The following GRM1 variants were observed in gnomAD, a reference collection of about 807,000 sequenced individuals.
GRM1 encodes the protein metabotropic glutamate receptor 1.
GRM1 carries 33 observed loss-of-function variants against 90.9 expected under a neutral mutation model. That is an observed-to-expected ratio of 0.36 (90% CI 0.28 to 0.49). The LOEUF (loss-of-function observed/expected upper bound fraction) is 0.49. Among genes scored for constraint, GRM1 ranks in the 20% least tolerant of loss-of-function variants. The pLI is 0.99. For synonymous variants in GRM1, 700 were observed against 613.2 expected (o/e 1.14, Z -2.09); for missense variants, 1,190 against 1,534.3 (o/e 0.78, Z 3.75).
At chr6:146,190,298 T>C (rs1252726689) in intron 2 of GRM1, among the ~76,000 whole-genome samples, 1 of 152,218 alleles carries the variant, frequency 6.6e-6, no homozygotes, top group Non-Finnish European at 1.5e-5. Flanking sequence ...AGTTAGTTTA[T>C]AAATGTTTTG....
At chr6:146,226,902 C>T (rs1780259752) in intron 2 of GRM1, among the ~76,000 whole-genome samples, 1 of 152,046 alleles carries the variant, frequency 6.6e-6, no homozygotes, top group African/African-American at 2.4e-5. Context: ...CTCTTTTCTT[C>T]AAGATTGTAC....
intron 3 of GRM1, among the ~76,000 whole-genome samples, chr6:146,323,202 A>C (rs892530903): frequency 2.0e-5 from 3 of 152,174 alleles, no homozygotes; most frequent in Admixed American, 6.5e-5. Context: ...TTACAGTCCC[A>C]CCAACAGTGT....
chr6:146,126,224 A>G (rs1485854138), intron 1 of GRM1, among the ~76,000 whole-genome samples: 3 of 152,142 alleles, frequency 2.0e-5, no homozygotes, highest in Admixed American at 6.6e-5. Flanking sequence ...TACATTCTTG[A>G]CAATGAATGT....
At chr6:146,034,620 A>G (rs1266654247) in intron 1 of GRM1, among the ~76,000 whole-genome samples, 1 of 151,964 alleles carries the variant, frequency 6.6e-6, no homozygotes, top group Non-Finnish European at 1.5e-5. Flanking sequence ...TTAGTATTCC[A>G]GCTTTGTGTC....
chr6:146,106,835 A>T (rs1375535831), intron 1 of GRM1, among the ~76,000 whole-genome samples: 1 of 152,236 alleles, frequency 6.6e-6, no homozygotes, highest in Non-Finnish European at 1.5e-5. Context: ...CCTTGAAGGC[A>T]GGTGATGAGG....
intron 2 of GRM1, among the ~76,000 whole-genome samples, chr6:146,172,093 CAG>C (rs1344434312): frequency 1.3e-5 from 2 of 151,364 alleles, no homozygotes; most frequent in Non-Finnish European, 1.5e-5. Flanking sequence ...ATGCTTTACT[CAG>C]AAAAAAAAAG....
At chr6:146,364,144 A>T (rs1191337425) in intron 5 of GRM1, among the ~76,000 whole-genome samples, 3 of 152,206 alleles carry the variant, frequency 2.0e-5, no homozygotes, top group African/African-American at 7.2e-5. Context: ...AATTGCTCCC[A>T]GTTCAGAGTT....
At chr6:146,274,259 AAATGT>A (rs1214901893) in intron 2 of GRM1, among the ~76,000 whole-genome samples, 1 of 152,234 alleles carries the variant, frequency 6.6e-6, no homozygotes, top group African/African-American at 2.4e-5. Flanking sequence ...AATTTTATCT[AAATGT>A]TGTCAATTCA....
intron 2 of GRM1, among the ~76,000 whole-genome samples, chr6:146,186,845 G>T (rs867008013): frequency 6.6e-6 from 1 of 152,162 alleles, no homozygotes; most frequent in African/African-American, 2.4e-5. Flanking sequence ...GGCTATAGGG[G>T]TTATATTGTA....
intron 1 of GRM1, among the ~76,000 whole-genome samples, chr6:146,114,648 G>T (rs1775676328): frequency 6.6e-6 from 1 of 152,038 alleles, no homozygotes; most frequent in Non-Finnish European, 1.5e-5. Context: ...AGTAAAAGCA[G>T]GCTGATTTTC....
chr6:146,105,929 C>T lies in GRM1; in HGVS notation c.701-53419C>T, dbSNP rs568147410. 3.0e-4 allele frequency among the ~76,000 whole-genome samples: 46 copies of T among 152,132 alleles called. 1 individual carries two copies. Among genetic ancestry groups the T allele is most frequent in the African/African-American group, 1.1e-3 (46 of 41,416 alleles). On this transcript the variant is annotated intron_variant, in intron 1 of 7. Transcript: ENST00000282753. ...GCCTAACTAAAGCTTGGGTCTCTCA[C>T]CTCTCAGTCTAGTGATAATTCCACT...
chr6:146,199,028 G>A (rs1391475757), intron 2 of GRM1, among the ~76,000 whole-genome samples: 1 of 152,070 alleles, frequency 6.6e-6, no homozygotes, highest in East Asian at 1.9e-4. Context: ...ATTATTCGGG[G>A]CCCTATTATC....
At chr6:146,240,968 A>G (rs1056785556) in intron 2 of GRM1, among the ~76,000 whole-genome samples, 1 of 152,066 alleles carries the variant, frequency 6.6e-6, no homozygotes, top group African/African-American at 2.4e-5. Flanking sequence ...AACTGAACAC[A>G]AGGCCCCTTT....
intron 1 of GRM1, among the ~76,000 whole-genome samples, chr6:146,090,531 T>A (rs1265477249): frequency 6.6e-6 from 1 of 152,114 alleles, no homozygotes; most frequent in African/African-American, 2.4e-5. Context: ...GCGGCCTACA[T>A]TAAGATTAGC....
chr6:146,421,592 T>C (rs930975622), intron 7 of GRM1, among the ~76,000 whole-genome samples: 18 of 152,120 alleles, frequency 1.2e-4, no homozygotes, highest in Non-Finnish European at 2.4e-4. Context: ...CTTAATATTT[T>C]CAAAAGAAAG....
intron 2 of GRM1, among the ~76,000 whole-genome samples, chr6:146,293,556 A>C (rs1368546088): frequency 6.6e-6 from 1 of 151,954 alleles, no homozygotes; most frequent in East Asian, 1.9e-4. Context: ...ATTGGCATAT[A>C]TTTTCAGAAA....
chr6:146,257,547 G>T (rs1781527609), intron 2 of GRM1, among the ~76,000 whole-genome samples: 1 of 136,440 alleles, frequency 7.3e-6, no homozygotes. Flanking sequence ...ATTTATATGT[G>T]TGTACATATA....
In GRM1 at chr6:146,357,655, G is replaced by A; in HGVS notation, c.1563G>A (p.Arg521=). Residue 521 remains arginine, a synonymous_variant, in exon 5 of 8, where the codon CGG becomes CGA. Transcript: ENST00000282753. ...KIQMNKSGVV[R]SVCSEPCLKG... ...AGATGAACAAGAGTGGAGTGGTGCGGTCTGTGTGCAGTGAGCCTTGCTTAA... is the reference window on the plus strand; with the variant it reads ...AGATGAACAAGAGTGGAGTGGTGCGATCTGTGTGCAGTGAGCCTTGCTTAA... 1 of 1,614,038 alleles carries A rather than the reference G, an allele frequency of 6.2e-7. No homozygotes were observed. Among genetic ancestry groups the A allele is most frequent in the Non-Finnish European group, 8.5e-7 (1 of 1,179,922 alleles).
At chr6:146,428,756 T>G (rs1244769180) in intron 7 of GRM1, among the ~76,000 whole-genome samples, 1 of 152,216 alleles carries the variant, frequency 6.6e-6, no homozygotes, top group Non-Finnish European at 1.5e-5. Context: ...GTAGGAGAAT[T>G]TCTTAGATCA....
Sources: allele counts gnomAD v4.1 joint callset (sites outside exome capture counted in the v4.1 genomes callset), GRCh38; gene constraint gnomAD v4.1.1; transcripts MANE v1.5; gene names NCBI Gene and HGNC (gene_info 2026-07-23, HGNC 2026-07-21).